Variants in HEMGN observed in about 807,000 individuals in gnomAD.
HEMGN encodes hemogen.
In HEMGN, 32 loss-of-function variants were observed where a neutral mutation model predicts 45.7. The ratio of observed to expected loss-of-function variants is 0.70; its 90% CI spans 0.53 to 0.94. The LOEUF is 0.94. Among genes scored for constraint, HEMGN ranks in the 40% least tolerant of loss-of-function variants. The probability of loss-of-function intolerance (pLI) is 0.00; values close to 1 mark genes in which losing one functional copy is unlikely to be tolerated. For missense variants in HEMGN, 530 were observed against 564.2 expected (o/e 0.94, Z 0.61); for synonymous variants, 183 against 178.6 (o/e 1.02, Z -0.20).
At chr9:97,932,345 T>A (rs1173435290) in intron 2 of HEMGN, among the ~76,000 whole-genome samples, 6 of 152,194 alleles carry the variant, frequency 3.9e-5, no homozygotes, top group Non-Finnish European at 7.3e-5. Flanking sequence ...TGTTTGAAAT[T>A]TCCGTTGTAA....
At chr9:97,938,299 A>G (rs1034862436), upstream of HEMGN, 11 of 609,448 alleles carry the variant, frequency 1.8e-5, no homozygotes, top group Non-Finnish European at 3.2e-5. Flanking sequence ...TTGGACCACA[A>G]CTGCAGGCTA....
At chr9:97,939,115 T>C (rs1195382168), upstream of HEMGN, among the ~76,000 whole-genome samples, 1 of 152,182 alleles carries the variant, frequency 6.6e-6, no homozygotes, top group Non-Finnish European at 1.5e-5. Flanking sequence ...GATTAATATA[T>C]GTGTTCTGGA....
upstream of HEMGN, among the ~76,000 whole-genome samples, chr9:97,942,766 T>G (rs1827170681): frequency 6.6e-6 from 1 of 152,054 alleles, no homozygotes; most frequent in Non-Finnish European, 1.5e-5. Context: ...CTAGGGCCCT[T>G]TAAGATGGGG....
rs1469922326 is a variant in HEMGN, at chr9:97,930,110, C to G, written c.1285G>C (p.Glu429Gln). The G allele has an allele frequency of 1.1e-5, 17 of 1,614,148 alleles. No homozygotes were observed. Among genetic ancestry groups the G allele is most frequent in the Non-Finnish European group, 1.3e-5 (15 of 1,180,014 alleles). ...TCCTGGCCTTGGGGCCCACCTGTTT[C>G]TTGGTGTGGTTCTGGAAAGCATTCT... Reference protein sequence around the residue: ...PKECFPEPHQETGGPQGQDPK... With the variant: ...PKECFPEPHQQTGGPQGQDPK... Residue 429 changes from glutamate (E) to glutamine (Q), a missense_variant, in exon 3 of 4, where the codon GAA becomes CAA. Coordinates refer to ENST00000616898, the MANE Select transcript of HEMGN (RefSeq NM_197978.3).
In HEMGN at chr9:97,931,128, C is replaced by T; in HGVS notation, c.267G>A (p.Gln89=). The T allele has an allele frequency of 6.2e-7, 1 of 1,614,124 alleles. No homozygotes were observed. The highest frequency in any genetic ancestry group is 8.5e-7 in the Non-Finnish European group (1 of 1,180,026). Residue 89 remains glutamine (Q), a synonymous_variant, in exon 3 of 4, where the codon CAG becomes CAA. Coordinates refer to ENST00000616898, the MANE Select transcript of HEMGN (RefSeq NM_197978.3). ...CCACTATTTCCTTTTCTATCTGTGG[C>T]TGAGGCTCCACCTTCAATTCTGTGT... is the stretch of plus-strand genomic sequence containing the variant. The part of the protein sequence containing the change: ...QQNTELKVEP[Q]PQIEKEIVEK...
In HEMGN at chr9:97,927,470, C is replaced by T. The variant is rs1246974869; in HGVS notation, c.1369G>A (p.Glu457Lys). Reference protein sequence around the residue: ...DAYTFPQEMKEKPKEEPGIPA... With the variant: ...DAYTFPQEMKKKPKEEPGIPA... ...ATTCCTGGCTCTTCTTTGGGTTTTT[C>T]TTTCATTTCTGTAAAATCAAATAAA... Residue 457 changes from glutamate to lysine, a missense_variant, in exon 4 of 4, where the codon GAA (glutamate) becomes AAA (lysine). Glu to Lys is a moderately conservative substitution (Grantham distance 56). Coordinates refer to ENST00000616898, the MANE Select transcript of HEMGN (RefSeq NM_197978.3). 3 of 1,594,664 alleles carry T rather than the reference C, an allele frequency of 1.9e-6. No individual in the cohort carries two copies. Among genetic ancestry groups the T allele is most frequent in the East Asian group, 4.5e-5 (2 of 44,656 alleles).
chr9:97,927,744 A>G (rs1826856212), intron 3 of HEMGN, among the ~76,000 whole-genome samples: 1 of 152,224 alleles, frequency 6.6e-6, no homozygotes, highest in Admixed American at 6.5e-5. Context: ...GGTGAAAACC[A>G]CTATAAACAA....
chr9:97,935,040 T>C (rs757823327), intron 2 of HEMGN, among the ~76,000 whole-genome samples: 3 of 152,226 alleles, frequency 2.0e-5, no homozygotes, highest in Non-Finnish European at 2.9e-5. Context: ...AAAAGAATCC[T>C]GCTTATACAA....
rs1826840981 is a variant in HEMGN, at chr9:97,927,164, TACATAC to T, written c.*214_*219del. ...CACTATCCTCTCCCCGACCTATACATACATACACACACACACACACACACACACACA... is the reference window on the plus strand; with the variant it reads ...CACTATCCTCTCCCCGACCTATACATACACACACACACACACACACACACA... On this transcript the variant is annotated 3_prime_UTR_variant, in exon 4 of 4. Coordinates refer to ENST00000616898, the MANE Select transcript of HEMGN (RefSeq NM_197978.3). 1 of 319,070 alleles carries T rather than the reference TACATAC, an allele frequency of 3.1e-6. No individual in the cohort carries two copies. The highest frequency in any genetic ancestry group is 4.8e-5 in the East Asian group (1 of 20,672). 19.8% of individuals were successfully genotyped at this position (319,070 alleles called of 1,614,324 possible). A position where few individuals can be genotyped will look rare whatever the true frequency, so the allele number is the denominator to read the frequency against.
chr9:97,929,985 C>G, intron 3 of HEMGN, 50 bp downstream of exon 3: 7 of 1,341,870 alleles, frequency 5.2e-6, no homozygotes, highest in Non-Finnish European at 6.3e-6. Flanking sequence ...AGTTGTAAAT[C>G]ACTACTCTGG....
At chr9:97,936,991 T>TG (rs1258210642) in intron 1 of HEMGN, among the ~76,000 whole-genome samples, 1 of 152,218 alleles carries the variant, frequency 6.6e-6, no homozygotes, top group Non-Finnish European at 1.5e-5. Context: ...GATGAGTCTT[T>TG]GATGCAGAGC....
At position 97,931,024 on chromosome 9, in the gene HEMGN, G is replaced by A. The variant is rs777381979; in HGVS notation, c.371C>T (p.Pro124Leu). The change falls in exon 3 of 4, where the codon CCG (proline) becomes CTG (leucine). Residue 124 changes from proline to leucine, a missense_variant. Physicochemically the swap from Pro to Leu is moderately conservative, Grantham distance 98. Transcript: ENST00000616898. ...GTGTTCCTCAGGCACAACTTTTTGCGGGGAGGCTACTGAAGGAAATACTTT... is the reference window on the plus strand; with the variant it reads ...GTGTTCCTCAGGCACAACTTTTTGCAGGGAGGCTACTGAAGGAAATACTTT... ...ITKVFPSVAS[P>L]QKVVPEEHFS... The A allele has an allele frequency of 1.4e-5, 22 of 1,613,912 alleles. No homozygotes were observed. Among genetic ancestry groups the A allele is most frequent in the African/African-American group, 2.7e-5 (2 of 74,906 alleles).
At chr9:97,932,099 C>G (rs1826964404) in intron 2 of HEMGN, among the ~76,000 whole-genome samples, 1 of 152,152 alleles carries the variant, frequency 6.6e-6, no homozygotes, top group African/African-American at 2.4e-5. Context: ...TAAGAGACTA[C>G]AGGACTAAAA....
At chr9:97,938,019 T>A in intron 1 of HEMGN, 39 bp downstream of exon 1, 7 of 1,289,764 alleles carry the variant, frequency 5.4e-6, no homozygotes, top group Non-Finnish European at 7.8e-6. Flanking sequence ...CCCCGAATTC[T>A]TCTCAACAGC....
Position 97,930,560 on chromosome 9 carries a change from C to G in HEMGN, c.835G>C (p.Ala279Pro). 1 of 1,614,112 alleles carries G rather than the reference C, an allele frequency of 6.2e-7. No individual in the cohort carries two copies. Among genetic ancestry groups the G allele is most frequent in the Non-Finnish European group, 8.5e-7 (1 of 1,180,006 alleles). The change falls in exon 3 of 4, where the codon GCA becomes CCA. Residue 279 changes from alanine to proline, a missense_variant. Transcript: ENST00000616898. ...GTTTCATTGTATTCCTCTGGTTCTG[C>G]TGGATTTTGGTCTGTGTCAAGAATA... ...GYILDTDQNP[A>P]EPEEYNETDQ... is the part of the protein sequence containing the mutation.
chr9:97,943,014 GAGGGGTAC>G (rs1256838142), upstream of HEMGN, among the ~76,000 whole-genome samples: 3 of 152,202 alleles, frequency 2.0e-5, no homozygotes, highest in Non-Finnish European at 4.4e-5. Context: ...TGAAAAGAAT[GAGGGGTAC>G]AGGGCTCTAT....
chr9:97,927,559 T>G, intron 3 of HEMGN, 81 bp from the exon 4 acceptor site: 1 of 896,120 alleles, frequency 1.1e-6, no homozygotes, highest in South Asian at 1.4e-5. Context: ...GAAGAAAAAC[T>G]GCTTTACAAC....
At chr9:97,941,080 T>C (rs1363261570), upstream of HEMGN, among the ~76,000 whole-genome samples, 2 of 152,086 alleles carry the variant, frequency 1.3e-5, no homozygotes, top group Non-Finnish European at 2.9e-5. Flanking sequence ...AAATAAAATA[T>C]ATAATGTGTC....
upstream of HEMGN, chr9:97,938,542 C>A (rs748434061): frequency 2.5e-5 from 4 of 160,020 alleles, no homozygotes; most frequent in Non-Finnish European, 5.4e-5. Context: ...TAGGCCCCAA[C>A]CAGCTCAGTG....
Sources: gnomAD v4.1 joint callset for allele counts (sites outside exome capture counted in the v4.1 genomes callset) on GRCh38, gnomAD v4.1.1 for gene constraint, MANE v1.5 for transcripts, NCBI Gene and HGNC (gene_info 2026-07-23, HGNC 2026-07-21) for gene names.